Variants in TAMM41 observed in about 807,000 individuals in gnomAD.
TAMM41 encodes the protein TAM41 mitochondrial translocator assembly and maintenance homolog, also known as phosphatidate cytidylyltransferase, mitochondrial.
Under a neutral mutation model 44.1 loss-of-function variants are expected in TAMM41, and 36 were observed. The observed-to-expected ratio is 0.82, with a 90% confidence interval of 0.63 to 1.08. The LOEUF (loss-of-function observed/expected upper bound fraction) is 1.08. TAMM41 is among the 50% of genes least tolerant of loss of function. TAMM41 has a pLI of 0.00. For missense variants in TAMM41, 417 were observed against 404.3 expected (o/e 1.03, Z -0.27); for synonymous variants, 164 against 153.1 (o/e 1.07, Z -0.53).
chr3:11,751,471 C>G, the TAMM41 span, among the ~76,000 whole-genome samples: 12 of 152,322 alleles, frequency 7.9e-5, no homozygotes, highest in East Asian at 1.9e-3. Flanking sequence ...AGCACTGAGC[C>G]AAATGCCTCG....
the TAMM41 span, among the ~76,000 whole-genome samples, chr3:11,730,680 G>A: frequency 6.6e-6 from 1 of 152,122 alleles, no homozygotes; most frequent in African/African-American, 2.4e-5. Flanking sequence ...GTTGCAGTGA[G>A]CTGAGATCAC....
chr3:11,817,066 C>A (rs907325597), intron 5 of TAMM41, 126 bp downstream of exon 5: 8 of 982,722 alleles, frequency 8.1e-6, no homozygotes, highest in Admixed American at 7.3e-5. Flanking sequence ...CCTATGTTTA[C>A]ATACAGTACT....
At chr3:11,804,711 C>T (rs1257656928) in intron 7 of TAMM41, among the ~76,000 whole-genome samples, 2 of 152,092 alleles carry the variant, frequency 1.3e-5, no homozygotes, top group African/African-American at 4.8e-5. Flanking sequence ...TTCAGTCTTG[C>T]CAGAGTAAAC....
intron 5 of TAMM41, among the ~76,000 whole-genome samples, chr3:11,813,860 GTATGTATATA>G (rs1357278722): frequency 6.8e-6 from 1 of 147,802 alleles, no homozygotes; most frequent in Non-Finnish European, 1.5e-5. Context: ...GTGTGTGTAT[GTATGTATATA>G]TATGTATATA....
the TAMM41 span, among the ~76,000 whole-genome samples, chr3:11,735,534 C>T: frequency 6.6e-6 from 1 of 151,936 alleles, no homozygotes; most frequent in Non-Finnish European, 1.5e-5. Flanking sequence ...CTTGGGGGTG[C>T]TGAGGCGGGA....
At chr3:11,782,830 C>T in the TAMM41 span, among the ~76,000 whole-genome samples, 1 of 152,154 alleles carries the variant, frequency 6.6e-6, no homozygotes, top group African/African-American at 2.4e-5. Context: ...TTTGGTGGGA[C>T]AGAGTGCCTG....
At chr3:11,828,042 G>A (rs1468917197) in intron 4 of TAMM41, among the ~76,000 whole-genome samples, 1 of 152,182 alleles carries the variant, frequency 6.6e-6, no homozygotes, top group African/African-American at 2.4e-5. Context: ...GAGATTAGTA[G>A]ACAATATGAA....
chr3:11,784,203 AC>A, the TAMM41 span, among the ~76,000 whole-genome samples: 3 of 152,128 alleles, frequency 2.0e-5, no homozygotes, highest in African/African-American at 7.2e-5. Flanking sequence ...TGATATCATA[AC>A]CTTTTTAAAA....
the TAMM41 span, among the ~76,000 whole-genome samples, chr3:11,737,219 G>A: frequency 6.6e-6 from 1 of 151,730 alleles, no homozygotes. Context: ...TTAATCTTAA[G>A]TAATTTCCAG....
downstream of TAMM41, among the ~76,000 whole-genome samples, chr3:11,790,070 T>C (rs947697083): frequency 2.0e-5 from 3 of 152,112 alleles, no homozygotes; most frequent in Non-Finnish European, 4.4e-5. Context: ...CAGGGAAATG[T>C]TGACGTGACA....
At position 11,790,528 on chromosome 3, in the gene TAMM41, C is replaced by G. The variant is rs1366677776; in HGVS notation, c.991G>C (p.Gly331Arg). The change falls in exon 8 of 8, where the codon GGG becomes CGG. Residue 331 changes from glycine to arginine, a missense_variant. By Grantham distance (125) the Gly-to-Arg change is moderately radical. Transcript: ENST00000455809. ...SSLKLHKMWK[G>R]WLRKTS is the part of the protein sequence containing the mutation. ...AATCAGGATGTTTTCCTCAGCCACC[C>G]TTTCCACATTTTGTGCAGTTTTAGT... 2 of 1,613,990 alleles carry G rather than the reference C, an allele frequency of 1.2e-6. No homozygotes were observed. The highest frequency in any genetic ancestry group is 1.7e-6 in the Non-Finnish European group (2 of 1,180,002).
At chr3:11,744,232 T>C in the TAMM41 span, among the ~76,000 whole-genome samples, 1 of 151,986 alleles carries the variant, frequency 6.6e-6, no homozygotes, top group Non-Finnish European at 1.5e-5. Flanking sequence ...CATGCCCAGC[T>C]AGTTTTTGTA....
chr3:11,846,495 G>T lies in TAMM41; in HGVS notation c.135+7C>A, dbSNP rs1297933853. On this transcript the variant is annotated splice_region_variant and intron_variant, in intron 1 of 7. Transcript: ENST00000455809. ...CAGTTCCCCGTCGTGGGGCTGCCCG[G>T]GCTCACCTTCTGGTCTGAACTCGGC... 1 of 1,614,150 alleles carries T rather than the reference G, an allele frequency of 6.2e-7. No homozygotes were observed. The highest frequency in any genetic ancestry group is 8.5e-7 in the Non-Finnish European group (1 of 1,180,012).
At chr3:11,825,262 G>T (rs1481102627) in intron 4 of TAMM41, among the ~76,000 whole-genome samples, 1 of 152,202 alleles carries the variant, frequency 6.6e-6, no homozygotes, top group Non-Finnish European at 1.5e-5. Context: ...CTGACACACA[G>T]TACTAGTCTA....
chr3:11,743,280 G>T, the TAMM41 span, among the ~76,000 whole-genome samples: 1 of 151,750 alleles, frequency 6.6e-6, no homozygotes, highest in Non-Finnish European at 1.5e-5. Flanking sequence ...TGGTCCCATG[G>T]TCCTCCAAAC....
At chr3:11,783,632 G>A in the TAMM41 span, among the ~76,000 whole-genome samples, 74 of 152,160 alleles carry the variant, frequency 4.9e-4, no homozygotes, top group Admixed American at 4.8e-3. Flanking sequence ...GTGAGTATAA[G>A]ATTCATAACT....
chr3:11,825,223 T>C (rs2078697677), intron 4 of TAMM41, among the ~76,000 whole-genome samples: 1 of 152,220 alleles, frequency 6.6e-6, no homozygotes, highest in African/African-American at 2.4e-5. Context: ...AGTTTGTACA[T>C]TTCAGGGACT....
At chr3:11,800,432 T>C (rs954425870) in intron 7 of TAMM41, among the ~76,000 whole-genome samples, 7 of 151,668 alleles carry the variant, frequency 4.6e-5, no homozygotes, top group African/African-American at 1.7e-4. Context: ...ACCTTACCTG[T>C]GAAGACACAA....
the TAMM41 span, among the ~76,000 whole-genome samples, chr3:11,769,165 T>C: frequency 2.0e-5 from 3 of 152,128 alleles, no homozygotes; most frequent in Non-Finnish European, 4.4e-5. Flanking sequence ...CTTGGCTCAC[T>C]GCAACCTCTA....
Sources: allele counts gnomAD v4.1 joint callset (sites outside exome capture counted in the v4.1 genomes callset), GRCh38; gene constraint gnomAD v4.1.1; transcripts MANE v1.5; gene names NCBI Gene and HGNC (gene_info 2026-07-23, HGNC 2026-07-21).